Variants in AGBL1 observed in about 807,000 individuals in gnomAD.
AGBL1 encodes AGBL carboxypeptidase 1.
A neutral mutation model predicts 118.9 loss-of-function variants in AGBL1; 130 were observed. That is an observed-to-expected ratio of 1.09 (90% CI 0.95 to 1.26). The LOEUF is 1.26. Ranked by LOEUF, AGBL1 falls within the 50% of genes most tolerant of loss-of-function variation. The pLI is 0.00. For missense variants in AGBL1, 1,584 were observed against 1,298.1 expected, an observed-to-expected ratio of 1.22 and a Z score of -3.38; for synonymous variants, 555 against 478.9, an observed-to-expected ratio of 1.16 and a Z score of -2.08.
intron 19 of AGBL1, among the ~76,000 whole-genome samples, chr15:86,539,551 A>G (rs1383025367): frequency 6.6e-6 from 1 of 152,214 alleles, no homozygotes; most frequent in East Asian, 1.9e-4. Flanking sequence ...ATGTCTCAAC[A>G]TTCTAGAATG....
At chr15:86,191,129 A>T (rs774743504) in intron 5 of AGBL1, among the ~76,000 whole-genome samples, 1 of 151,876 alleles carries the variant, frequency 6.6e-6, no homozygotes, top group African/African-American at 2.4e-5. Context: ...GGATCACCTG[A>T]GGTCAGGAGT....
At chr15:86,443,209 G>C (rs2082085109) in intron 18 of AGBL1, among the ~76,000 whole-genome samples, 1 of 152,198 alleles carries the variant, frequency 6.6e-6, no homozygotes, top group Non-Finnish European at 1.5e-5. Context: ...GGGATCTCCA[G>C]ATGGGACTCA....
intron 22 of AGBL1, among the ~76,000 whole-genome samples, chr15:86,841,537 G>A (rs918890381): frequency 1.3e-5 from 2 of 152,032 alleles, no homozygotes; most frequent in African/African-American, 2.4e-5. Context: ...CACATCTCAC[G>A]ATTTGAGCTC....
At chr15:86,255,707 G>A (rs528946158) in intron 7 of AGBL1, among the ~76,000 whole-genome samples, 2 of 152,100 alleles carry the variant, frequency 1.3e-5, no homozygotes, top group African/African-American at 2.4e-5. Context: ...GCTTGAACCC[G>A]GGAGGTGGAG....
At chr15:86,300,929 G>A (rs1353245002) in intron 17 of AGBL1, among the ~76,000 whole-genome samples, 11 of 152,206 alleles carry the variant, frequency 7.2e-5, no homozygotes, top group Admixed American at 4.6e-4. Context: ...CACCTGCCTT[G>A]GGTTGGGAGT....
intron 6 of AGBL1, among the ~76,000 whole-genome samples, chr15:86,238,622 A>T (rs1308458421): frequency 1.3e-5 from 2 of 152,186 alleles, no homozygotes; most frequent in African/African-American, 4.8e-5. Flanking sequence ...TGAGTGAGAA[A>T]ATGCTGTCAG....
At chr15:86,941,202 T>G (rs2141654215) in intron 23 of AGBL1, among the ~76,000 whole-genome samples, 1 of 152,336 alleles carries the variant, frequency 6.6e-6, no homozygotes. Context: ...CACAAACTCT[T>G]TGGCTTTTGG....
At chr15:86,941,664 T>C (rs528005108) in intron 23 of AGBL1, among the ~76,000 whole-genome samples, 2 of 152,278 alleles carry the variant, frequency 1.3e-5, no homozygotes, top group African/African-American at 4.8e-5. Context: ...GCTGGAAAAC[T>C]GCCCTCCAGG....
chr15:86,409,255 T>C (rs1435619563), intron 18 of AGBL1, among the ~76,000 whole-genome samples: 3 of 152,174 alleles, frequency 2.0e-5, no homozygotes, highest in African/African-American at 4.8e-5. Flanking sequence ...TAGTATGGAC[T>C]CAGACAGCAC....
intron 5 of AGBL1, among the ~76,000 whole-genome samples, chr15:86,187,139 C>T (rs1007565842): frequency 1.3e-4 from 20 of 152,288 alleles, no homozygotes; most frequent in Non-Finnish European, 2.9e-5. Context: ...CCAACACACA[C>T]CCCCATCCAC....
chr15:86,297,217 T>C (rs2079659502), intron 17 of AGBL1: 1 of 152,266 alleles, frequency 6.6e-6, no homozygotes, highest in African/African-American at 2.4e-5. Flanking sequence ...TTTTTTCTTT[T>C]AAACACATGC....
chr15:86,662,288 A>G (rs1261389987), intron 21 of AGBL1, among the ~76,000 whole-genome samples: 1 of 152,240 alleles, frequency 6.6e-6, no homozygotes, highest in Non-Finnish European at 1.5e-5. Flanking sequence ...TCACTTTTTT[A>G]TGGGGCATTT....
At position 86,241,766 on chromosome 15, in the gene AGBL1, A is replaced by G. The variant is rs531467390; in HGVS notation, c.527-5905A>G. 1.7e-4 allele frequency among the ~76,000 whole-genome samples: 26 copies of G among 152,362 alleles called. 2 individuals carry two copies. In the South Asian group the frequency reaches 5.4e-3, roughly 32 times the overall value. On this transcript the variant is annotated intron_variant, in intron 6 of 22. Transcript: ENST00000614907. ...ACAACACCTGAACTTTGGAGGGGAC[A>G]TGTTCAAACTGTAACATTGAGTAAC...
intron 18 of AGBL1, among the ~76,000 whole-genome samples, chr15:86,508,521 A>G (rs543464730): frequency 2.6e-5 from 4 of 151,870 alleles, no homozygotes; most frequent in Non-Finnish European, 5.9e-5. Context: ...ACAGTTACAT[A>G]AACCTTGTGA....
intron 1 of AGBL1, among the ~76,000 whole-genome samples, chr15:86,114,947 T>C (rs1313928620): frequency 1.3e-5 from 2 of 152,202 alleles, no homozygotes; most frequent in Admixed American, 1.3e-4. Flanking sequence ...AGAATGTCTT[T>C]ATTGAACTTC....
chr15:86,085,051 ACAGT>A (rs1895544807), intron 1 of AGBL1, among the ~76,000 whole-genome samples: 1 of 152,246 alleles, frequency 6.6e-6, no homozygotes, highest in African/African-American at 2.4e-5. Flanking sequence ...GTAATGAAAT[ACAGT>A]CACTGCCTTC....
chr15:86,670,378 C>T (rs1267003407), intron 21 of AGBL1, among the ~76,000 whole-genome samples: 1 of 151,670 alleles, frequency 6.6e-6, no homozygotes, highest in African/African-American at 2.4e-5. Context: ...CTGAGGCAGG[C>T]AGATCACCTG....
chr15:86,504,341 A>G (rs1427918006), intron 18 of AGBL1, among the ~76,000 whole-genome samples: 1 of 151,446 alleles, frequency 6.6e-6, no homozygotes, highest in African/African-American at 2.4e-5. Context: ...TTGTAGTTGG[A>G]ACACTTTAAA....
Position 86,158,336 on chromosome 15 carries a change from A to G in AGBL1, c.395-597A>G, listed in dbSNP as rs369808668. On this transcript the variant is annotated intron_variant, in intron 4 of 22. Transcript: ENST00000614907. ...GTTTCCCTCTCTTTGCTTCTCTAAG[A>G]CCTCTTGTTCCCACTCACTTTTCTC... Among the ~76,000 whole-genome samples the G allele has an allele frequency of 4.6e-5, 7 of 152,230 alleles. No individual in the cohort carries two copies. The East Asian group carries it at 1.2e-3, about 25-fold the overall frequency.
Sources: gnomAD v4.1 joint callset for allele counts (sites outside exome capture counted in the v4.1 genomes callset) on GRCh38, gnomAD v4.1.1 for gene constraint, MANE v1.5 for transcripts, NCBI Gene and HGNC (gene_info 2026-07-23, HGNC 2026-07-21) for gene names.